Variants in IDO2 observed in about 807,000 individuals in gnomAD.
IDO2 encodes indoleamine 2,3-dioxygenase 2.
In IDO2, 46 loss-of-function variants were observed where a neutral mutation model predicts 45.1. The ratio of observed to expected loss-of-function variants is 1.02; its 90% CI spans 0.80 to 1.30. IDO2 has a LOEUF of 1.30. Ranked by LOEUF, IDO2 falls within the 50% of genes most tolerant of loss-of-function variation. The pLI is 0.00. For missense variants in IDO2, 544 were observed against 491.8 expected (o/e 1.11, Z -1.00); for synonymous variants, 218 against 184.9 (o/e 1.18, Z -1.45).
At chr8:39,976,333 C>A (rs553578326) in intron 3 of IDO2, among the ~76,000 whole-genome samples, 4 of 151,856 alleles carry the variant, frequency 2.6e-5, no homozygotes, top group Non-Finnish European at 5.9e-5. Flanking sequence ...ATATAAATAG[C>A]GAGGAAATAA....
Position 40,002,054 on chromosome 8 carries a change from G to C in IDO2, c.668-3273G>C, listed in dbSNP as rs576921404. 4.6e-5 allele frequency among the ~76,000 whole-genome samples: 7 copies of C among 152,240 alleles called. No individual in the cohort carries two copies. In the South Asian group the frequency reaches 6.2e-4, roughly 14 times the overall value. On this transcript the variant is annotated intron_variant, in intron 8 of 10. Transcript: ENST00000502986. ...ACCTGTCTCAGCCTCCCAAAGTGCTGGGATTATAGGTGTGAACCACCATGC... is the reference window on the plus strand; with the variant it reads ...ACCTGTCTCAGCCTCCCAAAGTGCTCGGATTATAGGTGTGAACCACCATGC...
At chr8:39,973,572 A>C (rs1252420475) in intron 3 of IDO2, among the ~76,000 whole-genome samples, 2 of 152,060 alleles carry the variant, frequency 1.3e-5, no homozygotes, top group Admixed American at 6.6e-5. Flanking sequence ...ATAATTTATA[A>C]AATATTATAA....
At chr8:39,936,874 T>C (rs1429573151) in intron 1 of IDO2, among the ~76,000 whole-genome samples, 1 of 152,252 alleles carries the variant, frequency 6.6e-6, no homozygotes, top group Non-Finnish European at 1.5e-5. Context: ...CCTTCCTTTT[T>C]GGTATGCATA....
intron 9 of IDO2, 48 bp from the exon 10 acceptor site, chr8:40,013,517 A>G (rs2955897): frequency 1 from 1,545,403 of 1,551,760 alleles, 769,731 homozygotes; most frequent in East Asian, 1. Flanking sequence ...AAAATATACC[A>G]TTACCTCCCT....
chr8:39,999,614 C>T (rs1191309610), intron 8 of IDO2, among the ~76,000 whole-genome samples: 1 of 151,850 alleles, frequency 6.6e-6, no homozygotes, highest in Non-Finnish European at 1.5e-5. Context: ...CAGGCACCTG[C>T]CAACATGCAC....
intron 9 of IDO2, among the ~76,000 whole-genome samples, chr8:40,006,009 T>C (rs1264424565): frequency 6.6e-6 from 1 of 152,174 alleles, no homozygotes; most frequent in Non-Finnish European, 1.5e-5. Context: ...CCTTCCACTA[T>C]GTGAGGACAC....
At chr8:39,939,185 G>A (rs1289938186) in intron 1 of IDO2, among the ~76,000 whole-genome samples, 5 of 149,724 alleles carry the variant, frequency 3.3e-5, no homozygotes, top group Non-Finnish European at 7.4e-5. Context: ...GGAGGTTGCA[G>A]TGAGCCGAGA....
In IDO2 at chr8:40,015,440, C is replaced by T. The variant is rs749901630; in HGVS notation, c.1062C>T (p.Tyr354=). 6 of 1,613,854 alleles carry T rather than the reference C, an allele frequency of 3.7e-6. No homozygotes were observed. In the East Asian group the frequency reaches 1.3e-4, roughly 36 times the overall value. ...ATCACATCACCATGGTCACCAAATA[C>T]CTCATCACAGCTGCAGCCAAGGCAA... Residue 354 remains tyrosine (Y), a synonymous_variant, in exon 11 of 11, where the codon TAC becomes TAT. Transcript: ENST00000502986.
intron 4 of IDO2, among the ~76,000 whole-genome samples, chr8:39,980,953 C>T (rs2729468): frequency 0.82 from 125,200 of 151,782 alleles, 52,016 homozygotes; most frequent in African/African-American, 0.91. Flanking sequence ...GGTTTCACCA[C>T]GTTGGCCAGG....
At chr8:39,962,910 G>T (rs544570702) in intron 2 of IDO2, among the ~76,000 whole-genome samples, 4 of 152,210 alleles carry the variant, frequency 2.6e-5, no homozygotes, top group African/African-American at 9.7e-5. Context: ...TGGTTAAAAG[G>T]CATTATTCAG....
At chr8:39,969,412 G>A (rs1201119484) in intron 3 of IDO2, among the ~76,000 whole-genome samples, 1 of 152,102 alleles carries the variant, frequency 6.6e-6, no homozygotes, top group Admixed American at 6.5e-5. Context: ...ATTGATAAAT[G>A]TATGTGTTCT....
At chr8:39,967,557 C>T (rs1398223543) in intron 3 of IDO2, among the ~76,000 whole-genome samples, 3 of 152,044 alleles carry the variant, frequency 2.0e-5, no homozygotes, top group East Asian at 1.9e-4. Flanking sequence ...GGTGCTATAT[C>T]GACTCACTGC....
At chr8:40,005,489 C>A (rs1802208073) in intron 9 of IDO2, 111 bp downstream of exon 9, 9 of 573,912 alleles carry the variant, frequency 1.6e-5, no homozygotes, top group Non-Finnish European at 2.0e-5. Context: ...CCAAGTGACT[C>A]TTGCTAGGGA....
rs539271618 is a variant in IDO2 at position 40,013,467 on chromosome 8, T to A, written c.720-98T>A. Reference sequence around the variant, plus strand: ...CCTCACCCTAAAATTACCATTGAAATCATGTTCCCTTTCTCATTCACTCTC... The same window carrying A: ...CCTCACCCTAAAATTACCATTGAAAACATGTTCCCTTTCTCATTCACTCTC... On this transcript the variant is annotated intron_variant, in intron 9 of 10. Transcript: ENST00000502986. 7.2e-5 allele frequency: 86 copies of A among 1,201,780 alleles called. No homozygotes were observed. The South Asian group carries it at 1.1e-3, about 15-fold the overall frequency. The allele number at this position is 1,201,780 out of a possible 1,614,324, so 74.4% of individuals were successfully genotyped here.
rs1365926245 is a variant in IDO2 at position 39,979,210 on chromosome 8, C to A, written c.315+24C>A. The A allele has an allele frequency of 1.9e-6, 3 of 1,561,128 alleles. No homozygotes were observed. In the South Asian group the frequency reaches 3.5e-5, roughly 18 times the overall value. On this transcript the variant is annotated intron_variant, in intron 4 of 10. Coordinates refer to ENST00000502986, the Ensembl canonical transcript of IDO2. Reference sequence around the variant, plus strand: ...AGGTGAGGGCCAGAGAGCAGCTTCTCCTGTTACCCGGCAGGTTACCTGCGC... The same window carrying A: ...AGGTGAGGGCCAGAGAGCAGCTTCTACTGTTACCCGGCAGGTTACCTGCGC...
At chr8:40,013,153 C>T (rs555769484) in intron 9 of IDO2, among the ~76,000 whole-genome samples, 1 of 151,906 alleles carries the variant, frequency 6.6e-6, no homozygotes, top group African/African-American at 2.4e-5. Context: ...CTTTACTTGG[C>T]GGAGTTAAAA....
chr8:39,992,837 C>T lies in IDO2; in HGVS notation c.667+2999C>T, dbSNP rs180729991. Among the ~76,000 whole-genome samples the T allele has an allele frequency of 2.2e-4, 33 of 152,252 alleles. 1 individual carries two copies. In the Middle Eastern group the frequency reaches 0.017, roughly 78 times the overall value. ...TCCATAAATACTTCCTTTCCAGGCA[C>T]GTAGAGCCCTTCACACTCAGGGCTG... On this transcript the variant is annotated intron_variant, in intron 8 of 10. Coordinates refer to ENST00000502986, the Ensembl canonical transcript of IDO2.
intron 3 of IDO2, among the ~76,000 whole-genome samples, chr8:39,973,757 T>TC (rs397807919): frequency 2.0e-5 from 3 of 151,098 alleles, no homozygotes; most frequent in Non-Finnish European, 4.4e-5. Context: ...TTTTTTTTTT[T>TC]CTGAGATGGA....
chr8:39,988,928 G>C (rs1031506320), intron 7 of IDO2, among the ~76,000 whole-genome samples: 8 of 152,280 alleles, frequency 5.3e-5, no homozygotes, highest in Middle Eastern at 3.4e-3. Flanking sequence ...ACTCAAGGAA[G>C]ACAAGGAAGT....
Sources: allele counts gnomAD v4.1 joint callset (sites outside exome capture counted in the v4.1 genomes callset), GRCh38; gene constraint gnomAD v4.1.1; transcripts MANE v1.5; gene names NCBI Gene and HGNC (gene_info 2026-07-23, HGNC 2026-07-21).